The following NEDD4 variants were observed in gnomAD, a reference collection of about 807,000 sequenced individuals.
NEDD4 encodes the protein E3 ubiquitin-protein ligase NEDD4.
NEDD4 carries 99 observed loss-of-function variants against 144.9 expected under a neutral mutation model. The observed-to-expected ratio is 0.68, with a 90% CI of 0.58 to 0.81. The LOEUF is 0.81. Among genes scored for constraint, NEDD4 ranks in the 30% least tolerant of loss-of-function variants. The probability of loss-of-function intolerance (pLI) is 0.00; values close to 1 mark genes in which losing one functional copy is unlikely to be tolerated. For missense variants in NEDD4, 985 were observed against 1,065.9 expected, an observed-to-expected ratio of 0.92 and a Z score of 1.06; for synonymous variants, 318 against 350.6, an observed-to-expected ratio of 0.91 and a Z score of 1.04.
intron 4 of NEDD4, among the ~76,000 whole-genome samples, chr15:55,928,513 C>A (rs1271486205): frequency 6.6e-6 from 1 of 152,194 alleles, no homozygotes; most frequent in African/African-American, 2.4e-5. Context: ...CCCTGCCCAA[C>A]CAAATATGCA....
chr15:55,856,893 C>T (rs146047431), intron 11 of NEDD4, among the ~76,000 whole-genome samples: 414 of 152,264 alleles, frequency 2.7e-3, no homozygotes, highest in African/African-American at 9.5e-3. Context: ...AATGCACATA[C>T]AAATTGAATC....
At chr15:55,884,023 G>A (rs2035298669) in intron 5 of NEDD4, among the ~76,000 whole-genome samples, 2 of 152,056 alleles carry the variant, frequency 1.3e-5, no homozygotes, top group African/African-American at 4.8e-5. Flanking sequence ...GGGATTACAG[G>A]CACCTGCCAC....
rs752104770 is a variant in NEDD4, at chr15:55,829,749, C to T, written c.*148G>A. 5 of 585,708 alleles carry T rather than the reference C, an allele frequency of 8.5e-6. No homozygotes were observed. The highest frequency in any genetic ancestry group is 1.5e-5 in the Non-Finnish European group (5 of 331,542). The allele number at this position is 585,708 out of a possible 1,614,324, so 36.3% of individuals were successfully genotyped here. On this transcript the variant is annotated 3_prime_UTR_variant, in exon 29 of 29. Coordinates refer to ENST00000435532, the MANE Select transcript of NEDD4 (RefSeq NM_006154.4). Reference sequence around the variant, plus strand: ...AAGTGATTAAAAATAAGTTGTCGTACTATTTCTTCAAATGCTTTTTATATG... The same window carrying T: ...AAGTGATTAAAAATAAGTTGTCGTATTATTTCTTCAAATGCTTTTTATATG...
chr15:55,921,300 T>C (rs1193249738), intron 5 of NEDD4, among the ~76,000 whole-genome samples: 1 of 152,012 alleles, frequency 6.6e-6, no homozygotes, highest in Non-Finnish European at 1.5e-5. Context: ...AATTTCTTAG[T>C]CCTTAGTGTG....
intron 5 of NEDD4, among the ~76,000 whole-genome samples, chr15:55,883,229 G>T (rs918684457): frequency 2.6e-5 from 4 of 152,142 alleles, no homozygotes; most frequent in Non-Finnish European, 4.4e-5. Context: ...GGCCTTGAGT[G>T]AACACTGGTG....
intron 5 of NEDD4, among the ~76,000 whole-genome samples, chr15:55,903,282 G>A (rs2035969748): frequency 6.6e-6 from 1 of 151,984 alleles, no homozygotes; most frequent in Non-Finnish European, 1.5e-5. Context: ...TTCTCCCAGT[G>A]CCCGATGAGA....
At chr15:55,884,568 A>G (rs2035319473) in intron 5 of NEDD4, among the ~76,000 whole-genome samples, 1 of 152,168 alleles carries the variant, frequency 6.6e-6, no homozygotes, top group South Asian at 2.1e-4. Context: ...AAAAGAATTC[A>G]GAATCCTGTC....
At chr15:55,949,252 T>TA (rs1385497723) in intron 4 of NEDD4, among the ~76,000 whole-genome samples, 14 of 152,104 alleles carry the variant, frequency 9.2e-5, no homozygotes, top group African/African-American at 2.9e-4. Flanking sequence ...CACAATGAGA[T>TA]ACCATCTCAC....
chr15:55,898,879 T>C (rs1463305583), intron 5 of NEDD4, among the ~76,000 whole-genome samples: 1 of 152,144 alleles, frequency 6.6e-6, no homozygotes, highest in Non-Finnish European at 1.5e-5. Context: ...TGGGCTAAAG[T>C]GATCCTCCAA....
intron 1 of NEDD4, among the ~76,000 whole-genome samples, chr15:55,971,624 C>CAAA (rs59537454): frequency 8.0e-6 from 1 of 124,606 alleles, no homozygotes; most frequent in Non-Finnish European, 1.7e-5. Context: ...GACTCTGTCT[C>CAAA]AAAAAAAAAA....
chr15:55,884,761 CAAAAT>C lies in NEDD4; in HGVS notation c.292-10758_292-10754del, dbSNP rs142179890. Among the ~76,000 whole-genome samples, 1,097 of 151,524 alleles carry C rather than the reference CAAAAT, an allele frequency of 7.2e-3. 8 individuals carry two copies. The highest frequency in any genetic ancestry group is 0.014 in the Middle Eastern group (4 of 292). ...TTTTAAAAAACACAGTAAGAGGAGA[CAAAAT>C]AAAAAGAATAAAAAACAATGAAGCA... On this transcript the variant is annotated intron_variant, in intron 5 of 28. Transcript: ENST00000435532.
chr15:55,935,334 A>G (rs1395034841), intron 4 of NEDD4, among the ~76,000 whole-genome samples: 1 of 152,134 alleles, frequency 6.6e-6, no homozygotes, highest in African/African-American at 2.4e-5. Flanking sequence ...TTCCTAGCTA[A>G]AAGAATTATA....
intron 2 of NEDD4, among the ~76,000 whole-genome samples, chr15:55,954,640 T>A (rs2037305012): frequency 6.6e-6 from 1 of 152,130 alleles, no homozygotes; most frequent in Non-Finnish European, 1.5e-5. Flanking sequence ...TTCTTTTGCC[T>A]CAGCCTCCCA....
At chr15:55,847,116 A>T (rs2033782857) in intron 17 of NEDD4, 82 bp from the exon 18 acceptor site, 3 of 794,582 alleles carry the variant, frequency 3.8e-6, no homozygotes, top group Non-Finnish European at 6.0e-6. Context: ...TATTTTATGA[A>T]CGTAAGGGCA....
chr15:55,848,038 A>G (rs951618465), intron 17 of NEDD4, among the ~76,000 whole-genome samples: 4 of 152,110 alleles, frequency 2.6e-5, no homozygotes, highest in Non-Finnish European at 5.9e-5. Context: ...CCTCATCCGC[A>G]TACACTCTCT....
At chr15:55,873,325 C>T (rs17238489) in intron 6 of NEDD4, among the ~76,000 whole-genome samples, 16,888 of 152,222 alleles carry the variant, frequency 0.11, 985 homozygotes, top group Middle Eastern at 0.16. Context: ...TTTTATCTCT[C>T]TGTCAGCAGT....
chr15:55,849,198 T>G (rs1199179300), intron 14 of NEDD4, among the ~76,000 whole-genome samples: 2 of 151,876 alleles, frequency 1.3e-5, no homozygotes, highest in African/African-American at 2.4e-5. Flanking sequence ...GGTGAAAGAG[T>G]AGGACATTAA....
intron 18 of NEDD4, among the ~76,000 whole-genome samples, chr15:55,844,284 G>C (rs1214568499): frequency 1.3e-5 from 2 of 152,172 alleles, no homozygotes; most frequent in East Asian, 1.9e-4. Context: ...GTTAAGAAGA[G>C]AGTTTCTGGG....
intron 2 of NEDD4, among the ~76,000 whole-genome samples, chr15:55,963,122 G>A (rs1224476190): frequency 4.1e-5 from 6 of 146,688 alleles, no homozygotes; most frequent in African/African-American, 1.5e-4. Flanking sequence ...CTCCTTTTCT[G>A]GCACTCTTTT....
Sources: allele counts gnomAD v4.1 joint callset (sites outside exome capture counted in the v4.1 genomes callset), GRCh38; gene constraint gnomAD v4.1.1; transcripts MANE v1.5; gene names NCBI Gene and HGNC (gene_info 2026-07-23, HGNC 2026-07-21).